The following CAV2 variants were observed in gnomAD, a reference collection of about 807,000 sequenced individuals.
CAV2 encodes the protein caveolin 2, also known as caveolin-2.
CAV2 carries 7 observed loss-of-function variants against 15.5 expected under a neutral mutation model. The ratio of observed to expected loss-of-function variants is 0.45; its 90% CI spans 0.26 to 0.85. The LOEUF (loss-of-function observed/expected upper bound fraction) is 0.85. CAV2 is among the 40% of genes least tolerant of loss of function. The probability of loss-of-function intolerance (pLI) is 0.18; values close to 1 mark genes in which losing one functional copy is unlikely to be tolerated. For missense variants in CAV2, 229 were observed against 208.8 expected (o/e 1.10, Z -0.60); for synonymous variants, 76 against 83.1 (o/e 0.91, Z 0.46).
rs1275483804 is a variant in CAV2, at chr7:116,499,941, G to C, written c.150+10G>C. 1.2e-6 allele frequency: 2 copies of C among 1,608,692 alleles called. No homozygotes were observed. The highest frequency in any genetic ancestry group is 1.7e-6 in the Non-Finnish European group (2 of 1,178,094). On this transcript the variant is annotated intron_variant, in intron 1 of 2. Transcript: ENST00000222693. ...CAACTCGCATCTCAAGGTGAAGCCC[G>C]GGGCGGGCGGGCCCAAGTCCCCGCT...
Position 116,506,287 on chromosome 7 carries a change from G to T in CAV2, c.*166G>T. 1.6e-6 allele frequency: 1 copy of T among 612,796 alleles called. No individual in the cohort carries two copies. The highest frequency in any genetic ancestry group is 2.8e-5 in the South Asian group (1 of 36,360). 38.0% of individuals were successfully genotyped at this position (612,796 alleles called of 1,614,324 possible). A position where few individuals can be genotyped will look rare whatever the true frequency, so the allele number is the denominator to read the frequency against. On this transcript the variant is annotated 3_prime_UTR_variant, in exon 3 of 3. Coordinates refer to ENST00000222693, the MANE Select transcript of CAV2 (RefSeq NM_001233.5). ...TTATTGACAGGTCTTTTCAAATAATGCTTTTCTAATTAATAGCCAAAGATT... is the reference window on the plus strand; with the variant it reads ...TTATTGACAGGTCTTTTCAAATAATTCTTTTCTAATTAATAGCCAAAGATT...
chr7:116,502,061 C>T (rs922529328), intron 2 of CAV2, among the ~76,000 whole-genome samples: 4 of 151,918 alleles, frequency 2.6e-5, no homozygotes, highest in African/African-American at 2.4e-5. Flanking sequence ...ACTGAGTGAC[C>T]GCATAGCATA....
chr7:116,499,754 G>C lies in CAV2; in HGVS notation c.-28G>C. On this transcript the variant is annotated 5_prime_UTR_variant, in exon 1 of 3. Coordinates refer to ENST00000222693, the MANE Select transcript of CAV2 (RefSeq NM_001233.5). ...CCGGGAGCCGCACCGCGCCAGCCGG[G>C]CTGCAGCGGCCGCGCACCAAGGCTG... The C allele has an allele frequency of 2.7e-6, 4 of 1,505,888 alleles. No homozygotes were observed. Among genetic ancestry groups the C allele is most frequent in the South Asian group, 2.5e-5 (2 of 79,578 alleles). 93.3% of individuals were successfully genotyped at this position (1,505,888 alleles called of 1,614,324 possible).
intron 2 of CAV2, among the ~76,000 whole-genome samples, chr7:116,504,728 C>T (rs974770591): frequency 6.6e-6 from 1 of 152,174 alleles, no homozygotes; most frequent in African/African-American, 2.4e-5. Flanking sequence ...ATTACTACAA[C>T]AGAGAACATT....
rs376022615 is a variant in CAV2 at position 116,499,808 on chromosome 7, C to A, written c.27C>A (p.Asp9Glu). 1 of 1,591,206 alleles carries A rather than the reference C, an allele frequency of 6.3e-7. No homozygotes were observed. Among genetic ancestry groups the A allele is most frequent in the Admixed American group, 1.8e-5 (1 of 56,416 alleles). The stretch of plus-strand genomic sequence containing the variant: ...TGGGGCTGGAGACGGAGAAGGCGGA[C>A]GTACAGCTCTTCATGGACGACGACT... MGLETEKA[D>E]VQLFMDDDSY... Residue 9 changes from aspartate to glutamate, a missense_variant, in exon 1 of 3, where the codon GAC (aspartate) becomes GAA (glutamate). Asp to Glu is a conservative substitution (Grantham distance 45, BLOSUM62 2). Transcript: ENST00000222693.
At position 116,505,023 on chromosome 7, in the gene CAV2, C is replaced by A. The variant is rs561767206; in HGVS notation, c.339-948C>A. On this transcript the variant is annotated intron_variant, in intron 2 of 2. Coordinates refer to ENST00000222693, the MANE Select transcript of CAV2 (RefSeq NM_001233.5). ...ACCATTTACTAAGGGTCAAGGATGT[C>A]CTCACTGTTTAAAAAAACTTAAACG... Among the ~76,000 whole-genome samples, 6 of 152,192 alleles carry A rather than the reference C, an allele frequency of 3.9e-5. No individual in the cohort carries two copies. In the East Asian group the frequency reaches 1.2e-3, roughly 29 times the overall value.
At chr7:116,502,671 G>C (rs548448083) in intron 2 of CAV2, among the ~76,000 whole-genome samples, 1 of 152,280 alleles carries the variant, frequency 6.6e-6, no homozygotes, top group African/African-American at 2.4e-5. Flanking sequence ...GGTGACCAAA[G>C]CTAGGAAAAT....
At chr7:116,500,763 G>T (rs1584753777) in intron 2 of CAV2, 1 of 316,636 alleles carries the variant, frequency 3.2e-6, no homozygotes, top group Non-Finnish European at 5.8e-6. Flanking sequence ...TGCTCTCGGG[G>T]CCCTGTTGTG....
At position 116,506,124 on chromosome 7, in the gene CAV2, A is replaced by G; in HGVS notation, c.*3A>G. 1 of 1,614,040 alleles carries G rather than the reference A, an allele frequency of 6.2e-7. No homozygotes were observed. Among genetic ancestry groups the G allele is most frequent in the Non-Finnish European group, 8.5e-7 (1 of 1,179,932 alleles). Reference sequence around the variant, plus strand: ...GCCTGCAACTGAGCCAGGATTGAATACTTGGACCCCAGGTCTGGAGATTGG... The same window carrying G: ...GCCTGCAACTGAGCCAGGATTGAATGCTTGGACCCCAGGTCTGGAGATTGG... On this transcript the variant is annotated 3_prime_UTR_variant, in exon 3 of 3. Coordinates refer to ENST00000222693, the MANE Select transcript of CAV2 (RefSeq NM_001233.5).
chr7:116,505,016 A>G (rs1234394149), intron 2 of CAV2, among the ~76,000 whole-genome samples: 1 of 152,260 alleles, frequency 6.6e-6, no homozygotes, highest in Non-Finnish European at 1.5e-5. Flanking sequence ...CTAAGGGTCA[A>G]GGATGTCCTC....
chr7:116,499,948 G>A lies in CAV2; in HGVS notation c.150+17G>A. 1 of 1,608,104 alleles carries A rather than the reference G, an allele frequency of 6.2e-7. No homozygotes were observed. The highest frequency in any genetic ancestry group is 1.1e-5 in the South Asian group (1 of 90,544). On this transcript the variant is annotated intron_variant, in intron 1 of 2. Coordinates refer to ENST00000222693, the MANE Select transcript of CAV2 (RefSeq NM_001233.5). Reference sequence around the variant, plus strand: ...CATCTCAAGGTGAAGCCCGGGGCGGGCGGGCCCAAGTCCCCGCTGAGGCCG... The same window carrying A: ...CATCTCAAGGTGAAGCCCGGGGCGGACGGGCCCAAGTCCCCGCTGAGGCCG...
intron 2 of CAV2, among the ~76,000 whole-genome samples, chr7:116,501,872 A>G (rs1305274277): frequency 6.6e-6 from 1 of 152,208 alleles, no homozygotes; most frequent in Non-Finnish European, 1.5e-5. Flanking sequence ...GGGAAATGAA[A>G]ATGTTGCCTT....
In CAV2 at chr7:116,499,912, G is replaced by T; in HGVS notation, c.131G>T (p.Arg44Leu). 2 of 1,611,448 alleles carry T rather than the reference G, an allele frequency of 1.2e-6. No homozygotes were observed. The highest frequency in any genetic ancestry group is 1.7e-6 in the Non-Finnish European group (2 of 1,179,330). Residue 44 changes from arginine (R) to leucine (L), a missense_variant, in exon 1 of 3, where the codon CGG becomes CTG. Coordinates refer to ENST00000222693, the MANE Select transcript of CAV2 (RefSeq NM_001233.5). ...TCGGACCAGGACCGGGATCCCCACC[G>T]GCTCAACTCGCATCTCAAGGTGAAG... ...ADSDQDRDPH[R>L]LNSHLKLGFE...
At chr7:116,504,260 A>G (rs1793181492) in intron 2 of CAV2, among the ~76,000 whole-genome samples, 1 of 152,214 alleles carries the variant, frequency 6.6e-6, no homozygotes, top group Admixed American at 6.5e-5. Context: ...ATAAATGTCA[A>G]TCCTCATAGC....
rs1229285700 is a variant in CAV2, at chr7:116,506,072, G to A, written c.440G>A (p.Ser147Asn). 6 of 1,613,896 alleles carry A rather than the reference G, an allele frequency of 3.7e-6. 1 individual carries two copies. In the African/African-American group the frequency reaches 5.3e-5, roughly 14 times the overall value. Reference protein sequence around the residue: ...TDVIIAPLCTSVGRCFSSVSL... With the variant: ...TDVIIAPLCTNVGRCFSSVSL... ...GTTATCATTGCTCCATTGTGTACGA[G>A]CGTAGGACGATGCTTCTCTTCTGTC... Residue 147 changes from serine to asparagine, a missense_variant, in exon 3 of 3, where the codon AGC becomes AAC. Ser to Asn is a conservative substitution (Grantham distance 46, BLOSUM62 1). Coordinates refer to ENST00000222693, the MANE Select transcript of CAV2 (RefSeq NM_001233.5).
At chr7:116,501,614 C>G (rs1223610992) in intron 2 of CAV2, among the ~76,000 whole-genome samples, 2 of 152,160 alleles carry the variant, frequency 1.3e-5, no homozygotes, top group Non-Finnish European at 2.9e-5. Flanking sequence ...ATAGGGTCTG[C>G]CTTCAGCTTA....
rs544034497 is a variant in CAV2, at chr7:116,508,002, A to G, written c.*1881A>G. 1.3e-5 allele frequency: 2 copies of G among 152,340 alleles called. No homozygotes were observed. The highest frequency in any genetic ancestry group is 6.5e-5 in the Admixed American group (1 of 15,306). 9.4% of individuals were successfully genotyped at this position (152,340 alleles called of 1,614,324 possible). The stretch of plus-strand genomic sequence containing the variant: ...CTCATATCCTTTTGAAGGTAGTTGC[A>G]AAGAGACATTTCAAAACTGCCCTAG... On this transcript the variant is annotated 3_prime_UTR_variant, in exon 3 of 3. Coordinates refer to ENST00000222693, the MANE Select transcript of CAV2 (RefSeq NM_001233.5).
Position 116,503,348 on chromosome 7 carries a change from C to T in CAV2, c.339-2623C>T, listed in dbSNP as rs147484491. Among the ~76,000 whole-genome samples the T allele has an allele frequency of 2.6e-3, 402 of 152,074 alleles. 1 individual carries two copies. Among genetic ancestry groups the T allele is most frequent in the African/African-American group, 8.0e-3 (333 of 41,496 alleles). ...TTCTCTGCTCCAAAATGAGGGAACACAAGTAAACAAAAATAAAATCCAAAT... is the reference window on the plus strand; with the variant it reads ...TTCTCTGCTCCAAAATGAGGGAACATAAGTAAACAAAAATAAAATCCAAAT... On this transcript the variant is annotated intron_variant, in intron 2 of 2. Coordinates refer to ENST00000222693, the MANE Select transcript of CAV2 (RefSeq NM_001233.5).
Position 116,508,056 on chromosome 7 carries a change from A to G in CAV2, c.*1935A>G, listed in dbSNP as rs976775107. ...ATTGCAGCATCCTTAGATGGGACGC[A>G]TAATCATTACCTTAAAGCATCACCA... On this transcript the variant is annotated 3_prime_UTR_variant, in exon 3 of 3. Coordinates refer to ENST00000222693, the MANE Select transcript of CAV2 (RefSeq NM_001233.5). 6.6e-6 allele frequency: 1 copy of G among 152,226 alleles called. No individual in the cohort carries two copies. Among genetic ancestry groups the G allele is most frequent in the African/African-American group, 2.4e-5 (1 of 41,466 alleles). The allele number at this position is 152,226 out of a possible 1,614,324, so 9.4% of individuals were successfully genotyped here. A position where few individuals can be genotyped will look rare whatever the true frequency, so the allele number is the denominator to read the frequency against.
Sources: allele counts gnomAD v4.1 joint callset (sites outside exome capture counted in the v4.1 genomes callset), GRCh38; gene constraint gnomAD v4.1.1; transcripts MANE v1.5; gene names NCBI Gene and HGNC (gene_info 2026-07-23, HGNC 2026-07-21).